Variants in SLC6A18 observed in about 807,000 individuals in gnomAD.
SLC6A18 encodes solute carrier family 6 member 18.
A neutral mutation model predicts 62.9 loss-of-function variants in SLC6A18; 58 were observed. The observed-to-expected ratio is 0.92, with a 90% CI of 0.75 to 1.15. SLC6A18 has a LOEUF of 1.15. SLC6A18 is among the 50% of genes most tolerant of loss of function. The pLI is 0.00. For synonymous variants in SLC6A18, 382 were observed against 365.8 expected (o/e 1.04, Z -0.51); for missense variants, 793 against 836.6 (o/e 0.95, Z 0.64).
Position 1,233,575 on chromosome 5 carries a change from AT to A in SLC6A18, c.439+688del, listed in dbSNP as rs551704210. On this transcript the variant is annotated intron_variant, in intron 3 of 11. Transcript: ENST00000324642. ...GATCCTCGAGACATGAATGACAGTT[AT>A]ATTTTCTTCTTTTTTTTTTTTTTTT... 3.4e-5 allele frequency among the ~76,000 whole-genome samples: 5 copies of A among 146,226 alleles called. No homozygotes were observed. The East Asian group carries it at 1.0e-3, about 29-fold the overall frequency.
intron 1 of SLC6A18, among the ~76,000 whole-genome samples, chr5:1,226,032 C>T (rs1357733277): frequency 2.6e-5 from 4 of 152,372 alleles, no homozygotes; most frequent in Non-Finnish European, 4.4e-5. Flanking sequence ...TGGGTTTCCT[C>T]ACCACAGCCT....
intron 11 of SLC6A18, among the ~76,000 whole-genome samples, chr5:1,245,424 C>T (rs916213602): frequency 2.0e-5 from 3 of 152,158 alleles, no homozygotes; most frequent in Admixed American, 6.5e-5. Context: ...AAAGTCCCTC[C>T]GTAGCAGAAC....
chr5:1,245,038 G>C (rs1004082411), intron 11 of SLC6A18, among the ~76,000 whole-genome samples: 3 of 152,276 alleles, frequency 2.0e-5, no homozygotes, highest in Admixed American at 2.0e-4. Context: ...CCTGAGCAGT[G>C]CCCAGAGCCC....
chr5:1,233,911 T>G lies in SLC6A18; in HGVS notation c.439+1023T>G, dbSNP rs553109081. 2.0e-4 allele frequency among the ~76,000 whole-genome samples: 31 copies of G among 152,060 alleles called. No individual in the cohort carries two copies. The South Asian group carries it at 5.8e-3, about 29-fold the overall frequency. On this transcript the variant is annotated intron_variant, in intron 3 of 11. Coordinates refer to ENST00000324642, the MANE Select transcript of SLC6A18 (RefSeq NM_182632.3). ...CGCCTGCCACCAGGCCTGGCTAATT[T>G]TTTGTATTTTTAGTAGAGACGGGGT...
rs969388103 is a variant in SLC6A18, at chr5:1,242,921, G to A, written c.1131+58G>A. 150 of 1,516,574 alleles carry A rather than the reference G, an allele frequency of 9.9e-5. 1 individual carries two copies. Among genetic ancestry groups the A allele is most frequent in the Non-Finnish European group, 6.2e-5 (70 of 1,124,742 alleles). The allele number at this position is 1,516,574 out of a possible 1,614,324, so 93.9% of individuals were successfully genotyped here. ...GGCCGTCCACAGGAGCACCAGGGCC[G>A]CACTGGCTGTGTCCCACTGCCAAAG... On this transcript the variant is annotated intron_variant, in intron 8 of 11. Coordinates refer to ENST00000324642, the MANE Select transcript of SLC6A18 (RefSeq NM_182632.3).
rs1171016831 is a variant in SLC6A18 at position 1,240,448 on chromosome 5, G to A, written c.846-83G>A. 5.4e-5 allele frequency: 86 copies of A among 1,578,670 alleles called. 2 individuals carry two copies. The highest frequency in any genetic ancestry group is 2.6e-6 in the Non-Finnish European group (3 of 1,160,750). On this transcript the variant is annotated intron_variant, in intron 6 of 11. Coordinates refer to ENST00000324642, the MANE Select transcript of SLC6A18 (RefSeq NM_182632.3). ...CCAGGCGGGAGAGAGGGTCAAGGAGGGAAGCCCCCTCCTCACTTCCTCCCC... is the reference window on the plus strand; with the variant it reads ...CCAGGCGGGAGAGAGGGTCAAGGAGAGAAGCCCCCTCCTCACTTCCTCCCC...
chr5:1,240,794 T>C, intron 7 of SLC6A18, 135 bp downstream of exon 7: 1 of 1,264,642 alleles, frequency 7.9e-7, no homozygotes, highest in Non-Finnish European at 1.1e-6. Context: ...GTGAATGGTG[T>C]CCCCAGAAGG....
rs764678224 is a variant in SLC6A18 at position 1,244,303 on chromosome 5, G to A, written c.1426G>A (p.Ala476Thr). Residue 476 changes from alanine (A) to threonine (T), a missense_variant, in exon 10 of 12, where the codon GCT (alanine) becomes ACT (threonine). By Grantham distance (58) the Ala-to-Thr change is moderately conservative. Coordinates refer to ENST00000324642, the MANE Select transcript of SLC6A18 (RefSeq NM_182632.3). ...GCTGGAGATTTTCGACAATTTTGCC[G>A]CTTCCCCGAACCTGCTCATGTTGGC... is the stretch of plus-strand genomic sequence containing the variant. Reference protein sequence around the residue: ...YWLEIFDNFAASPNLLMLAFL... With the variant: ...YWLEIFDNFATSPNLLMLAFL... 63 of 1,613,898 alleles carry A rather than the reference G, an allele frequency of 3.9e-5. No individual in the cohort carries two copies. Among genetic ancestry groups the A allele is most frequent in the South Asian group, 1.2e-4 (11 of 91,082 alleles).
chr5:1,242,272 C>T (rs1029346399), intron 7 of SLC6A18, among the ~76,000 whole-genome samples: 17 of 152,338 alleles, frequency 1.1e-4, no homozygotes, highest in Non-Finnish European at 2.1e-4. Flanking sequence ...TCCCCTCACC[C>T]GGCAGTGTGC....
chr5:1,244,045 T>C (rs1747142760), intron 9 of SLC6A18, among the ~76,000 whole-genome samples, 169 bp from the exon 10 acceptor site: 1 of 151,978 alleles, frequency 6.6e-6, no homozygotes, highest in Non-Finnish European at 1.5e-5. Context: ...GGAAAGAGAC[T>C]GGGGAGGGCA....
At chr5:1,239,932 A>G (rs543512386) in intron 6 of SLC6A18, among the ~76,000 whole-genome samples, 18 of 152,250 alleles carry the variant, frequency 1.2e-4, no homozygotes, top group Non-Finnish European at 2.1e-4. Flanking sequence ...ACAAAGTGCA[A>G]TTCCACGGAT....
rs1747063376 is a variant in SLC6A18 at position 1,241,652 on chromosome 5, G to A, written c.974+993G>A. 6.6e-6 allele frequency among the ~76,000 whole-genome samples: 1 copy of A among 152,166 alleles called. No homozygotes were observed. Among genetic ancestry groups the A allele is most frequent in the Non-Finnish European group, 1.5e-5 (1 of 68,020 alleles). ...GGACAGTGTTTTACAGGATGAGCCG[G>A]GTCAGGGAGGACGGTGATTTATAGG... On this transcript the variant is annotated intron_variant, in intron 7 of 11. Transcript: ENST00000324642. The surrounding 1 kb of genome is among the most constrained non-coding windows in gnomAD (Gnocchi z 7.8).
At chr5:1,228,048 G>A (rs1427716489) in intron 1 of SLC6A18, among the ~76,000 whole-genome samples, 1 of 152,196 alleles carries the variant, frequency 6.6e-6, no homozygotes, top group Admixed American at 6.5e-5. Flanking sequence ...GTGGATTCTT[G>A]CACCAAAAAC....
chr5:1,227,632 C>G (rs1184078373), intron 1 of SLC6A18, among the ~76,000 whole-genome samples: 1 of 152,214 alleles, frequency 6.6e-6, no homozygotes, highest in African/African-American at 2.4e-5. Flanking sequence ...ATTATTTGCT[C>G]TCCCATTCAT....
At chr5:1,229,555 G>A (rs1026707021) in intron 1 of SLC6A18, among the ~76,000 whole-genome samples, 7 of 152,192 alleles carry the variant, frequency 4.6e-5, no homozygotes, top group African/African-American at 1.7e-4. Context: ...AGTCTGCAGT[G>A]CTCCCTGGAC....
chr5:1,232,800 C>T lies in SLC6A18; in HGVS notation c.351C>T (p.Thr117=). The part of the protein sequence containing the change: ...LSFLISLYYN[T]IVAWVLWYLL... ...TCCTGATCAGCCTGTACTACAACAC[C>T]ATCGTGGCGTGGGTGCTGTGGTACC... Residue 117 remains threonine, a synonymous_variant, in exon 3 of 12, where the codon ACC becomes ACT. Transcript: ENST00000324642. The T allele has an allele frequency of 6.2e-7, 1 of 1,613,542 alleles. No individual in the cohort carries two copies. The highest frequency in any genetic ancestry group is 1.1e-5 in the South Asian group (1 of 91,076).
At position 1,236,757 on chromosome 5, in the gene SLC6A18, A is replaced by G. The variant is rs952729700; in HGVS notation, c.621+1095A>G. Among the ~76,000 whole-genome samples the G allele has an allele frequency of 3.4e-5, 5 of 145,518 alleles. No individual in the cohort carries two copies. In the South Asian group the frequency reaches 8.3e-4, roughly 24 times the overall value. ...CAGTGTCTCAGGACGCCAGTGCCCC[A>G]TGTCCTGTGCAGTGTCTCAGGACGC... is the stretch of plus-strand genomic sequence containing the variant. On this transcript the variant is annotated intron_variant, in intron 4 of 11. Coordinates refer to ENST00000324642, the MANE Select transcript of SLC6A18 (RefSeq NM_182632.3).
At position 1,246,140 on chromosome 5, in the gene SLC6A18, G is replaced by GGGGCCCCGCCC; in HGVS notation, c.*63_*73dup. On this transcript the variant is annotated 3_prime_UTR_variant, in exon 12 of 12. Transcript: ENST00000324642. ...GGGGGGGCTTGGCCTGATGGTGGGC[G>GGGGCCCCGCCC]GGGCCCCGCCCACAGGGCCGACCCC... is the stretch of plus-strand genomic sequence containing the variant. The GGGGCCCCGCCC allele has an allele frequency of 7.1e-7, 1 of 1,403,446 alleles. No individual in the cohort carries two copies. 86.9% of individuals were successfully genotyped at this position (1,403,446 alleles called of 1,614,324 possible). A position where few individuals can be genotyped will look rare whatever the true frequency, so the allele number is the denominator to read the frequency against.
At chr5:1,231,581 T>A (rs1312062462) in intron 1 of SLC6A18, among the ~76,000 whole-genome samples, 3 of 152,176 alleles carry the variant, frequency 2.0e-5, no homozygotes, top group Non-Finnish European at 4.4e-5. Context: ...GAGCAGCTCA[T>A]GCCATCTGTT....
Sources: allele counts gnomAD v4.1 joint callset (sites outside exome capture counted in the v4.1 genomes callset), GRCh38; gene constraint gnomAD v4.1.1; non-coding constraint Gnocchi (gnomAD v3.1); transcripts MANE v1.5; gene names NCBI Gene and HGNC (gene_info 2026-07-23, HGNC 2026-07-21).